Variants in ZNF516 observed in about 807,000 individuals in gnomAD.
The protein encoded by ZNF516 is zinc finger protein 516.
ZNF516 carries 19 observed loss-of-function variants against 79.7 expected under a neutral mutation model. That is an observed-to-expected ratio of 0.24 (90% CI 0.17 to 0.35). ZNF516 has a LOEUF of 0.35. Ranked by LOEUF, ZNF516 falls within the 10% of genes least tolerant of loss-of-function variation. The probability of loss-of-function intolerance (pLI) is 1.00; values close to 1 mark genes in which losing one functional copy is unlikely to be tolerated. For synonymous variants in ZNF516, 877 were observed against 739.5 expected (o/e 1.19, Z -3.02); for missense variants, 1,678 against 1,679.5 (o/e 1.00, Z 0.02).
chr18:76,395,346 C>T (rs916420279), intron 3 of ZNF516, among the ~76,000 whole-genome samples: 6 of 152,118 alleles, frequency 3.9e-5, no homozygotes, highest in African/African-American at 1.4e-4. Context: ...CACTATCTAG[C>T]GCATCTGGCT....
intron 3 of ZNF516, chr18:76,388,784 G>C (rs1252750741): frequency 6.6e-6 from 1 of 152,208 alleles, no homozygotes; most frequent in Non-Finnish European, 1.5e-5. Context: ...GAGACCATGG[G>C]CTCAGTGTGA....
At chr18:76,376,525 C>T (rs1334091901) in intron 4 of ZNF516, among the ~76,000 whole-genome samples, 1 of 100,726 alleles carries the variant, frequency 9.9e-6, no homozygotes, top group Non-Finnish European at 2.3e-5. Context: ...TATTTAACCT[C>T]TCTCTTTCAA....
intron 6 of ZNF516, among the ~76,000 whole-genome samples, chr18:76,366,072 C>G (rs190234143): frequency 8.5e-5 from 13 of 152,288 alleles, no homozygotes; most frequent in Admixed American, 8.5e-4. Context: ...AGTGCGTGTG[C>G]TGAAAAAGAC....
chr18:76,374,104 A>T (rs2074749416), intron 4 of ZNF516, among the ~76,000 whole-genome samples: 1 of 152,240 alleles, frequency 6.6e-6, no homozygotes. Flanking sequence ...ACAAAGAGAG[A>T]TCAAACTGCA....
chr18:76,457,630 TC>T (rs762339325), intron 2 of ZNF516, among the ~76,000 whole-genome samples: 1 of 152,228 alleles, frequency 6.6e-6, no homozygotes. Context: ...GGCGGGAAGA[TC>T]CCTGACGCCG....
At chr18:76,449,488 G>C (rs1912265608) in intron 2 of ZNF516, among the ~76,000 whole-genome samples, 1 of 152,236 alleles carries the variant, frequency 6.6e-6, no homozygotes, top group Admixed American at 6.5e-5. Flanking sequence ...GAGGCAGCCA[G>C]ACTACCTGGG....
chr18:76,445,110 A>C (rs1911962338), intron 2 of ZNF516, among the ~76,000 whole-genome samples: 1 of 152,096 alleles, frequency 6.6e-6, no homozygotes. Flanking sequence ...AACAACAATT[A>C]GCCAGGCATG....
intron 1 of ZNF516, among the ~76,000 whole-genome samples, chr18:76,472,860 C>T (rs542100158): frequency 1.3e-5 from 2 of 152,312 alleles, no homozygotes; most frequent in East Asian, 3.9e-4. Context: ...AACATGCGAT[C>T]CTTACCTGTC....
intron 6 of ZNF516, among the ~76,000 whole-genome samples, chr18:76,365,834 G>A (rs937549287): frequency 1.8e-4 from 28 of 152,286 alleles, no homozygotes; most frequent in African/African-American, 6.7e-4. Context: ...CTACGATCGA[G>A]GCAAAAGAGT....
Position 76,441,929 on chromosome 18 carries a change from G to A in ZNF516, c.1126C>T (p.Pro376Ser). The A allele has an allele frequency of 6.2e-7, 1 of 1,608,174 alleles. No individual in the cohort carries two copies. The highest frequency in any genetic ancestry group is 8.5e-7 in the Non-Finnish European group (1 of 1,178,768). The change falls in exon 3 of 7, where the codon CCC (proline) becomes TCC (serine). Residue 376 changes from proline (P) to serine (S), a missense_variant. Transcript: ENST00000443185. ...RAPAEEGAEGPSDTKQFFLQC... is the reference protein window; with the variant it reads ...RAPAEEGAEGSSDTKQFFLQC... ...AGGAAGAACTGCTTGGTGTCCGAGG[G>A]CCCCTCCGCCCCCTCCTCGGCCGGG...
intron 3 of ZNF516, among the ~76,000 whole-genome samples, chr18:76,382,946 G>A (rs1016883373): frequency 4.1e-5 from 6 of 146,294 alleles, no homozygotes; most frequent in Non-Finnish European, 7.4e-5. Flanking sequence ...TGAGGCAGGA[G>A]ATTCCCTTGA....
intron 2 of ZNF516, among the ~76,000 whole-genome samples, chr18:76,445,906 CCTT>C (rs1415664909): frequency 1.3e-5 from 2 of 152,244 alleles, no homozygotes; most frequent in Non-Finnish European, 2.9e-5. Context: ...TCAGCTCCTG[CCTT>C]CTTTCAGAGC....
chr18:76,454,746 AAAG>A lies in ZNF516; in HGVS notation c.-158+8279_-158+8281del, dbSNP rs1048052629. Reference sequence around the variant, plus strand: ...CTGCAAGTTCCAGGCTTTGAAGATAAAAGAAGATCTATTCTTTCCTTGCAGGAA... The same window carrying A: ...CTGCAAGTTCCAGGCTTTGAAGATAAAAGATCTATTCTTTCCTTGCAGGAA... On this transcript the variant is annotated intron_variant, in intron 2 of 6. Coordinates refer to ENST00000443185, the MANE Select transcript of ZNF516 (RefSeq NM_014643.4). Among the ~76,000 whole-genome samples, 5 of 152,212 alleles carry A rather than the reference AAAG, an allele frequency of 3.3e-5. No homozygotes were observed. The South Asian group carries it at 6.2e-4, about 19-fold the overall frequency.
intron 2 of ZNF516, among the ~76,000 whole-genome samples, chr18:76,462,191 C>A (rs1002774351): frequency 2.1e-5 from 3 of 145,484 alleles, no homozygotes; most frequent in African/African-American, 7.7e-5. Flanking sequence ...CAGAGGCCAC[C>A]CCATCACAGT....
At chr18:76,470,903 G>C (rs1409220589) in intron 1 of ZNF516, among the ~76,000 whole-genome samples, 1 of 152,048 alleles carries the variant, frequency 6.6e-6, no homozygotes, top group Non-Finnish European at 1.5e-5. Flanking sequence ...CGTAGTCCCA[G>C]CTACTCGGGA....
intron 3 of ZNF516, among the ~76,000 whole-genome samples, chr18:76,439,583 GAA>G (rs2075787437): frequency 6.6e-6 from 1 of 152,046 alleles, no homozygotes; most frequent in Non-Finnish European, 1.5e-5. Context: ...TAATGAGCCT[GAA>G]AAAAGAGTAC....
chr18:76,432,383 C>A (rs376906628), intron 3 of ZNF516, among the ~76,000 whole-genome samples: 1 of 152,226 alleles, frequency 6.6e-6, no homozygotes, highest in Admixed American at 6.5e-5. Context: ...AAAGCACCAG[C>A]ACCACCGCTA....
At chr18:76,496,276 C>A (rs952924795), upstream of ZNF516, 3 of 1,287,550 alleles carry the variant, frequency 2.3e-6, no homozygotes, top group Admixed American at 2.3e-5. Flanking sequence ...CTTCTCCCAC[C>A]AGGCTCCTGG....
intron 3 of ZNF516, chr18:76,388,060 G>C (rs925045289): frequency 6.6e-5 from 10 of 152,216 alleles, no homozygotes; most frequent in Admixed American, 2.0e-4. Flanking sequence ...GACAGTCAGA[G>C]AGGAGGTCGG....
Sources: allele counts gnomAD v4.1 joint callset (sites outside exome capture counted in the v4.1 genomes callset), GRCh38; gene constraint gnomAD v4.1.1; transcripts MANE v1.5; gene names NCBI Gene and HGNC (gene_info 2026-07-23, HGNC 2026-07-21).